The following MAST4 variants were observed in gnomAD, a reference collection of about 807,000 sequenced individuals.
The protein encoded by MAST4 is microtubule associated serine/threonine kinase family member 4, also known as microtubule-associated serine/threonine-protein kinase 4.
MAST4 carries 89 observed loss-of-function variants against 162.7 expected under a neutral mutation model. That is an observed-to-expected ratio of 0.55 (90% confidence interval 0.46 to 0.65). The LOEUF is 0.65. Among genes scored for constraint, MAST4 ranks in the 30% least tolerant of loss-of-function variants. The pLI is 0.00. For synonymous variants in MAST4, 1,479 were observed against 1,361.1 expected, an observed-to-expected ratio of 1.09 and a Z score of -1.91; for missense variants, 3,153 against 3,374.0, an observed-to-expected ratio of 0.93 and a Z score of 1.62.
chr5:66,798,240 G>A (rs1755748462), intron 3 of MAST4, among the ~76,000 whole-genome samples: 1 of 152,136 alleles, frequency 6.6e-6, no homozygotes, highest in Non-Finnish European at 1.5e-5. Context: ...GTGGAGTAGT[G>A]TGGTAATGTC....
rs1357816250 is a variant in MAST4 at position 67,122,863 on chromosome 5, A to C, written c.1745+1761A>C. The stretch of plus-strand genomic sequence containing the variant: ...ATACAAGAAGTTAAACAAGCTGTGA[A>C]TCAGTAAACACCCAGGATGCAGGCC... On this transcript the variant is annotated intron_variant, in intron 14 of 28. Transcript: ENST00000403625. Among the ~76,000 whole-genome samples, 4 of 152,208 alleles carry C rather than the reference A, an allele frequency of 2.6e-5. No homozygotes were observed. The East Asian group carries it at 7.7e-4, about 29-fold the overall frequency.
chr5:66,975,391 C>T (rs1446087539), intron 4 of MAST4, among the ~76,000 whole-genome samples: 2 of 152,160 alleles, frequency 1.3e-5, no homozygotes, highest in Non-Finnish European at 1.5e-5. Context: ...GTGGTGAGCA[C>T]TTTCACGTTC....
intron 19 of MAST4, among the ~76,000 whole-genome samples, chr5:67,137,321 C>T (rs1339671706): frequency 6.6e-6 from 1 of 152,168 alleles, no homozygotes; most frequent in East Asian, 1.9e-4. Flanking sequence ...TCTCTGTATT[C>T]TGAATAGACA....
chr5:67,156,766 G>A (rs554403548), intron 26 of MAST4, among the ~76,000 whole-genome samples: 1 of 152,296 alleles, frequency 6.6e-6, no homozygotes, highest in Middle Eastern at 3.4e-3. Context: ...GAGGCCGCAG[G>A]GATGCAATGG....
chr5:67,150,256 A>C (rs1196426949), intron 24 of MAST4, among the ~76,000 whole-genome samples: 1 of 152,264 alleles, frequency 6.6e-6, no homozygotes, highest in African/African-American at 2.4e-5. Context: ...CCACTGGCAG[A>C]AATGAAATAT....
At chr5:66,789,988 ATTTTTTTTT>A (rs57743987) in intron 3 of MAST4, among the ~76,000 whole-genome samples, 50 of 52,478 alleles carry the variant, frequency 9.5e-4, no homozygotes, top group Middle Eastern at 0.017. Flanking sequence ...GCTTATTAGA[ATTTTTTTTT>A]TTTTTTTTTT....
intron 1 of MAST4, among the ~76,000 whole-genome samples, chr5:66,669,906 G>A (rs894641230): frequency 1.3e-5 from 2 of 152,204 alleles, no homozygotes; most frequent in Middle Eastern, 3.2e-3. Context: ...ATGGGCAAAG[G>A]CCAAGTCTGA....
At chr5:66,829,613 C>A (rs941875895) in intron 3 of MAST4, among the ~76,000 whole-genome samples, 2 of 151,986 alleles carry the variant, frequency 1.3e-5, no homozygotes, top group Admixed American at 1.3e-4. Context: ...ATGGTTAACT[C>A]CTGCATAACT....
intron 3 of MAST4, among the ~76,000 whole-genome samples, chr5:66,803,857 C>T (rs954776359): frequency 1.3e-5 from 2 of 151,694 alleles, no homozygotes; most frequent in Non-Finnish European, 2.9e-5. Context: ...GTTGAATAGA[C>T]GTGGTGATAC....
intron 4 of MAST4, among the ~76,000 whole-genome samples, chr5:66,974,628 G>A (rs1747895454): frequency 6.6e-6 from 1 of 152,172 alleles, no homozygotes; most frequent in Non-Finnish European, 1.5e-5. Flanking sequence ...CAGCTTCTCT[G>A]AACAGAAGGT....
At chr5:67,042,265 C>G (rs925957843) in intron 4 of MAST4, among the ~76,000 whole-genome samples, 1 of 152,112 alleles carries the variant, frequency 6.6e-6, no homozygotes, top group African/African-American at 2.4e-5. Flanking sequence ...CGTTGTCTTC[C>G]AGACCTAAAA....
In MAST4 at chr5:67,008,268, A is replaced by AT. The variant is rs556640241; in HGVS notation, c.675-46132dup. Among the ~76,000 whole-genome samples the AT allele has an allele frequency of 4.4e-4, 67 of 152,288 alleles. No homozygotes were observed. The South Asian group carries it at 0.013, about 31-fold the overall frequency. On this transcript the variant is annotated intron_variant, in intron 4 of 28. Transcript: ENST00000403625. Reference sequence around the variant, plus strand: ...GAAGTAATGATTGCATGTTTCAGAGATTTTCAGTTTCATAGGTCTGTGGCT... The same window carrying AT: ...GAAGTAATGATTGCATGTTTCAGAGATTTTTCAGTTTCATAGGTCTGTGGCT...
intron 19 of MAST4, among the ~76,000 whole-genome samples, chr5:67,140,887 T>C (rs1770306193): frequency 6.6e-6 from 1 of 152,230 alleles, no homozygotes; most frequent in Non-Finnish European, 1.5e-5. Flanking sequence ...AAGATTCTAA[T>C]TAAGTGTTTT....
At chr5:66,752,113 T>C (rs936014923) in intron 1 of MAST4, among the ~76,000 whole-genome samples, 37 of 152,090 alleles carry the variant, frequency 2.4e-4, no homozygotes, top group African/African-American at 3.4e-4. Context: ...TTGTCACCAC[T>C]AGGCCTGCCC....
Position 66,606,395 on chromosome 5 carries a change from T to C in MAST4, c.363+9377T>C, listed in dbSNP as rs1319040465. On this transcript the variant is annotated intron_variant, in intron 1 of 28. Coordinates refer to ENST00000403625, the MANE Select transcript of MAST4 (RefSeq NM_001164664.2). Reference sequence around the variant, plus strand: ...TTTTAAATAATTGGACATCTTGTAATGCTTTAGGGCTCTCTGGCCATCAGT... The same window carrying C: ...TTTTAAATAATTGGACATCTTGTAACGCTTTAGGGCTCTCTGGCCATCAGT... 2.6e-5 allele frequency among the ~76,000 whole-genome samples: 4 copies of C among 152,228 alleles called. No homozygotes were observed. The East Asian group carries it at 7.7e-4, about 29-fold the overall frequency.
intron 1 of MAST4, among the ~76,000 whole-genome samples, chr5:66,647,497 G>A (rs1745919478): frequency 6.6e-6 from 1 of 151,802 alleles, no homozygotes; most frequent in Admixed American, 6.6e-5. Flanking sequence ...ATTACCCAAG[G>A]TTTTATATAA....
At chr5:67,101,568 C>T (rs1255691602) in intron 8 of MAST4, among the ~76,000 whole-genome samples, 2 of 152,256 alleles carry the variant, frequency 1.3e-5, no homozygotes, top group Middle Eastern at 3.4e-3. Flanking sequence ...AGAATTAGTG[C>T]ACTTTGATAT....
In MAST4 at chr5:66,773,748, A is replaced by G. The variant is rs190825902; in HGVS notation, c.517+13886A>G. On this transcript the variant is annotated intron_variant, in intron 2 of 28. Transcript: ENST00000403625. ...GCAAGGATGCAACAAGAAGGCCCTC[A>G]CCAGACTCACATGCCAGTACCTTGA... 1.4e-3 allele frequency among the ~76,000 whole-genome samples: 208 copies of G among 152,320 alleles called. 1 individual carries two copies. Among genetic ancestry groups the G allele is most frequent in the African/African-American group, 4.9e-3 (204 of 41,576 alleles).
At chr5:66,775,122 A>G (rs1463698545) in intron 2 of MAST4, among the ~76,000 whole-genome samples, 1 of 151,970 alleles carries the variant, frequency 6.6e-6, no homozygotes, top group African/African-American at 2.4e-5. Flanking sequence ...TTTGATGTCT[A>G]AAAGTCTGTG....
Sources: allele counts gnomAD v4.1 joint callset (sites outside exome capture counted in the v4.1 genomes callset), GRCh38; gene constraint gnomAD v4.1.1; transcripts MANE v1.5; gene names NCBI Gene and HGNC (gene_info 2026-07-23, HGNC 2026-07-21).